The following TSPAN9 variants were observed in gnomAD, a reference collection of about 807,000 sequenced individuals.
TSPAN9 encodes the protein tetraspanin 9, also known as tetraspanin-9.
In TSPAN9, 16 loss-of-function variants were observed where a neutral mutation model predicts 31.0. The ratio of observed to expected loss-of-function variants is 0.52; its 90% confidence interval spans 0.35 to 0.78. The LOEUF is 0.78. TSPAN9 is among the 30% of genes least tolerant of loss of function. The pLI, the probability that TSPAN9 is intolerant of heterozygous loss-of-function variation, is 0.01. For synonymous variants in TSPAN9, 145 were observed against 121.6 expected (o/e 1.19, Z -1.27); for missense variants, 272 against 312.5 (o/e 0.87, Z 0.98).
chr12:3,095,829 G>A (rs1409477903), intron 2 of TSPAN9, among the ~76,000 whole-genome samples: 23 of 144,112 alleles, frequency 1.6e-4, no homozygotes, highest in African/African-American at 2.6e-4. Flanking sequence ...GCGGCCGGGC[G>A]GAGACGCTCC....
chr12:3,229,918 C>T (rs2098389798), intron 3 of TSPAN9, among the ~76,000 whole-genome samples: 1 of 152,236 alleles, frequency 6.6e-6, no homozygotes, highest in Non-Finnish European at 1.5e-5. Flanking sequence ...AGAGTCCGAC[C>T]TGGCTCCCCT....
rs566845781 is a variant in TSPAN9, at chr12:3,114,034, C to T, written c.-18+30315C>T. ...CTGTCATCCTCAGTGGGCCATAAAC[C>T]CCACGAGGACTTAATCATCCCTTCT... On this transcript the variant is annotated intron_variant, in intron 2 of 8. Transcript: ENST00000011898. 1.4e-3 allele frequency among the ~76,000 whole-genome samples: 220 copies of T among 152,302 alleles called. 1 individual carries two copies. The highest frequency in any genetic ancestry group is 5.1e-3 in the African/African-American group (211 of 41,548).
At chr12:3,160,791 C>T (rs1022133983) in intron 2 of TSPAN9, among the ~76,000 whole-genome samples, 1 of 152,050 alleles carries the variant, frequency 6.6e-6, no homozygotes, top group African/African-American at 2.4e-5. Context: ...GGGTATTTGT[C>T]TTTTTATTAT....
At chr12:3,167,164 CAACATTAAAAAAAAT>C (rs2098348912) in intron 2 of TSPAN9, among the ~76,000 whole-genome samples, 1 of 152,070 alleles carries the variant, frequency 6.6e-6, no homozygotes, top group South Asian at 2.1e-4. Flanking sequence ...TTCTATTTCT[CAACATTAAAAAAAAT>C]AAGATTCATC....
At chr12:3,169,762 C>T (rs2153970154) in intron 2 of TSPAN9, among the ~76,000 whole-genome samples, 1 of 152,116 alleles carries the variant, frequency 6.6e-6, no homozygotes, top group Non-Finnish European at 1.5e-5. Flanking sequence ...GAAGACTTAT[C>T]AAGGAGGCAG....
intron 3 of TSPAN9, among the ~76,000 whole-genome samples, chr12:3,209,019 G>A (rs1225522775): frequency 1.3e-5 from 2 of 152,148 alleles, no homozygotes; most frequent in African/African-American, 2.4e-5. Flanking sequence ...GGTGGATCAC[G>A]AGGTCAGGAG....
Position 3,130,278 on chromosome 12 carries a change from A to G in TSPAN9, c.-18+46559A>G, listed in dbSNP as rs539548422. Among the ~76,000 whole-genome samples the G allele has an allele frequency of 3.9e-5, 6 of 152,352 alleles. No individual in the cohort carries two copies. The East Asian group carries it at 9.7e-4, about 25-fold the overall frequency. On this transcript the variant is annotated intron_variant, in intron 2 of 8. Coordinates refer to ENST00000011898, the MANE Select transcript of TSPAN9 (RefSeq NM_006675.5). ...AGCCTGCGGTTTCGCCCTAAAGCTG[A>G]TCGAGCTGGTGAAAACGGAAGTTCC...
chr12:3,106,450 T>C (rs1479423763), intron 2 of TSPAN9, among the ~76,000 whole-genome samples: 1 of 151,944 alleles, frequency 6.6e-6, no homozygotes, highest in Non-Finnish European at 1.5e-5. Flanking sequence ...CAGAAACTGG[T>C]GGTGGGAAGT....
At chr12:3,233,601 G>A (rs945643305) in intron 3 of TSPAN9, among the ~76,000 whole-genome samples, 2 of 152,180 alleles carry the variant, frequency 1.3e-5, no homozygotes, top group Non-Finnish European at 2.9e-5. Context: ...ATTCATCCAT[G>A]TAATGTTTGT....
intron 2 of TSPAN9, among the ~76,000 whole-genome samples, chr12:3,106,881 C>T (rs1318290964): frequency 1.1e-4 from 17 of 152,186 alleles, no homozygotes; most frequent in African/African-American, 7.2e-5. Flanking sequence ...CTGTCTTCAC[C>T]GACCTTGAAT....
chr12:3,106,516 T>C (rs1470465329), intron 2 of TSPAN9, among the ~76,000 whole-genome samples: 1 of 152,128 alleles, frequency 6.6e-6, no homozygotes, highest in Admixed American at 6.5e-5. Flanking sequence ...ACGCCTGTAA[T>C]CCCAGCGCTT....
chr12:3,087,134 A>G (rs1229757720), intron 2 of TSPAN9, among the ~76,000 whole-genome samples: 2 of 152,066 alleles, frequency 1.3e-5, no homozygotes, highest in South Asian at 2.1e-4. Context: ...CTTGCCTTAC[A>G]TGTGTGTTGG....
rs1565622549 is a variant in TSPAN9, at chr12:3,226,770, ATATATATATATATATATATATATATT to A, written c.63+25516_63+25541del. Among the ~76,000 whole-genome samples, 23 of 1,952 alleles carry A rather than the reference ATATATATATATATATATATATATATT, an allele frequency of 0.012. 1 individual carries two copies. In the South Asian group the frequency reaches 0.22, roughly 19 times the overall value. The allele number at this position is 1,952 out of a possible 152,430, so 1.3% of individuals were successfully genotyped here. On this transcript the variant is annotated intron_variant, in intron 3 of 8. Transcript: ENST00000011898. ...TATATATATATATATATATATATAT[ATATATATATATATATATATATATATT>A]TTTTTTTTTTTTTCCCTCTTCGAAC... is the stretch of plus-strand genomic sequence containing the variant.
chr12:3,129,532 A>C (rs2098328831), intron 2 of TSPAN9, among the ~76,000 whole-genome samples: 1 of 152,166 alleles, frequency 6.6e-6, no homozygotes, highest in African/African-American at 2.4e-5. Context: ...TTTGCATCCT[A>C]ATTCCACCAC....
intron 2 of TSPAN9, among the ~76,000 whole-genome samples, chr12:3,137,162 C>T (rs962835767): frequency 2.0e-5 from 3 of 152,234 alleles, no homozygotes; most frequent in Non-Finnish European, 4.4e-5. Flanking sequence ...GGCTCCTTGT[C>T]GTCTCCTCTC....
At chr12:3,174,763 T>C (rs2098354197) in intron 2 of TSPAN9, among the ~76,000 whole-genome samples, 1 of 124,252 alleles carries the variant, frequency 8.0e-6, no homozygotes, top group Non-Finnish European at 1.9e-5. Flanking sequence ...TTTGTATTTT[T>C]AGTAGAGACG....
intron 3 of TSPAN9, among the ~76,000 whole-genome samples, chr12:3,267,928 C>T (rs992585764): frequency 6.6e-6 from 1 of 152,192 alleles, no homozygotes; most frequent in African/African-American, 2.4e-5. Context: ...TGGGTGCGGG[C>T]GGCCTGAGGC....
chr12:3,136,617 G>A (rs2098332249), intron 2 of TSPAN9, among the ~76,000 whole-genome samples: 1 of 152,186 alleles, frequency 6.6e-6, no homozygotes, highest in South Asian at 2.1e-4. Flanking sequence ...TGGAAGGAGG[G>A]AGAGGAGCCC....
At chr12:3,206,353 T>C (rs1441440264) in intron 3 of TSPAN9, 1 of 455,884 alleles carries the variant, frequency 2.2e-6, no homozygotes, top group Non-Finnish European at 4.4e-6. Context: ...CAGGAAGTCG[T>C]GGAATCGGGA....
Sources: allele counts gnomAD v4.1 joint callset (sites outside exome capture counted in the v4.1 genomes callset), GRCh38; gene constraint gnomAD v4.1.1; transcripts MANE v1.5; gene names NCBI Gene and HGNC (gene_info 2026-07-23, HGNC 2026-07-21).